CHIA: variants seen among roughly 807,000 people sequenced by gnomAD.
The protein encoded by CHIA is chitinase acidic.
In CHIA, 47 loss-of-function variants were observed where a neutral mutation model predicts 53.5. That is an observed-to-expected ratio of 0.88 (90% CI 0.70 to 1.12). The LOEUF (loss-of-function observed/expected upper bound fraction) is 1.12, where lower values mean the gene tolerates loss of function less well. Among genes scored for constraint, CHIA ranks in the 50% most tolerant of loss-of-function variants. The pLI is 0.00. For synonymous variants in CHIA, 268 were observed against 222.2 expected (o/e 1.21, Z -1.83); for missense variants, 652 against 592.2 (o/e 1.10, Z -1.05).
intron 1 of CHIA, among the ~76,000 whole-genome samples, chr1:111,301,768 G>A (rs1034346201): frequency 1.3e-5 from 2 of 149,968 alleles, no homozygotes; most frequent in African/African-American, 4.9e-5. Flanking sequence ...TGAAGCTGAA[G>A]CTGGAAACCA....
At chr1:111,308,770 C>G (rs1185340856) in intron 1 of CHIA, among the ~76,000 whole-genome samples, 1 of 152,140 alleles carries the variant, frequency 6.6e-6, no homozygotes, top group South Asian at 2.1e-4. Flanking sequence ...ACACCCCTCC[C>G]CATAGAAAGA....
intron 2 of CHIA, among the ~76,000 whole-genome samples, chr1:111,310,835 T>C (rs560038627): frequency 6.6e-6 from 1 of 152,212 alleles, no homozygotes; most frequent in Non-Finnish European, 1.5e-5. Flanking sequence ...TTAATTGGAA[T>C]AATGTTTATT....
At position 111,310,484 on chromosome 1, in the gene CHIA, T is replaced by G; in HGVS notation, c.17T>G (p.Leu6Arg). The change falls in exon 2 of 12, where the codon CTC becomes CGC. Residue 6 changes from leucine to arginine, a missense_variant. Transcript: ENST00000369740. Reference protein sequence around the residue: MTKLILLTGLVLILNL... With the variant: MTKLIRLTGLVLILNL... ...ACTGCAACCATGACAAAGCTTATTC[T>G]CCTCACAGGTGGGTTTGTAATCAGA... 6.2e-7 allele frequency: 1 copy of G among 1,614,218 alleles called. No individual in the cohort carries two copies. The highest frequency in any genetic ancestry group is 8.5e-7 in the Non-Finnish European group (1 of 1,180,020).
chr1:111,309,220 T>C (rs888197208), intron 1 of CHIA, among the ~76,000 whole-genome samples: 1 of 152,196 alleles, frequency 6.6e-6, no homozygotes, highest in Non-Finnish European at 1.5e-5. Context: ...CTATTAGACT[T>C]TCTCTGGTTC....
At position 111,314,364 on chromosome 1, in the gene CHIA, C is replaced by A. The variant is rs145147399; in HGVS notation, c.258-176C>A. Reference sequence around the variant, plus strand: ...TTCCCTAGGGAACCCTGAGTGCATTCATGACAGGAACAACACAAAGAATTT... The same window carrying A: ...TTCCCTAGGGAACCCTGAGTGCATTAATGACAGGAACAACACAAAGAATTT... On this transcript the variant is annotated intron_variant, in intron 4 of 11. Transcript: ENST00000369740. Among the ~76,000 whole-genome samples, 392 of 152,296 alleles carry A rather than the reference C, an allele frequency of 2.6e-3. 1 individual carries two copies. The highest frequency in any genetic ancestry group is 6.5e-3 in the African/African-American group (271 of 41,562).
At chr1:111,304,247 G>A (rs1308761293) in intron 1 of CHIA, among the ~76,000 whole-genome samples, 1 of 152,152 alleles carries the variant, frequency 6.6e-6, no homozygotes, top group Non-Finnish European at 1.5e-5. Flanking sequence ...GGAGTTCGCT[G>A]AGTTCTTGGA....
chr1:111,313,996 C>G (rs1648929888), intron 4 of CHIA, among the ~76,000 whole-genome samples: 2 of 152,104 alleles, frequency 1.3e-5, no homozygotes, highest in African/African-American at 4.8e-5. Flanking sequence ...ATGTGAGGTA[C>G]CTGAGTAAGT....
intron 7 of CHIA, 57 bp downstream of exon 7, chr1:111,317,862 T>C: frequency 6.2e-7 from 1 of 1,612,036 alleles, no homozygotes; most frequent in African/African-American, 1.3e-5. Context: ...CACACTAGAC[T>C]TGTCCTTGGT....
intron 1 of CHIA, among the ~76,000 whole-genome samples, chr1:111,306,708 T>C (rs942166500): frequency 1.3e-5 from 2 of 151,956 alleles, no homozygotes; most frequent in African/African-American, 4.8e-5. Flanking sequence ...AACTGAAAAA[T>C]AATTACAATC....
chr1:111,308,713 T>C (rs1018557439), intron 1 of CHIA, among the ~76,000 whole-genome samples: 3 of 152,194 alleles, frequency 2.0e-5, no homozygotes, highest in African/African-American at 7.2e-5. Flanking sequence ...TTGTCATTCA[T>C]AGATGGAAAA....
chr1:111,292,912 C>G (rs1045382172), intron 1 of CHIA, among the ~76,000 whole-genome samples: 3 of 152,110 alleles, frequency 2.0e-5, no homozygotes, highest in Non-Finnish European at 4.4e-5. Context: ...TGTAGCAAGT[C>G]AGAATTTCCT....
At chr1:111,306,075 T>C (rs1342776671) in intron 1 of CHIA, among the ~76,000 whole-genome samples, 1 of 152,196 alleles carries the variant, frequency 6.6e-6, no homozygotes, top group East Asian at 1.9e-4. Context: ...TAACAGACAC[T>C]TTCAAAGATG....
At chr1:111,315,535 A>G in intron 6 of CHIA, 100 bp downstream of exon 6, 1 of 1,232,218 alleles carries the variant, frequency 8.1e-7, no homozygotes, top group Non-Finnish European at 1.1e-6. Flanking sequence ...TTGAATTTAA[A>G]CTGATAGAAT....
chr1:111,314,945 A>G, intron 5 of CHIA: 1 of 384,466 alleles, frequency 2.6e-6, no homozygotes, highest in Non-Finnish European at 4.7e-6. Flanking sequence ...TGAGAAAATC[A>G]CACAAATAAA....
rs781781725 is a variant in CHIA, at chr1:111,320,260, A to C, written c.1225A>C (p.Ser409Arg). ...CATTGAGCCAATAACTGCTGCTCCC[A>C]GTGGCAGCGGGAACGGGAGCGGGAG... ...QPIEPITAAP[S>R]GSGNGSGSSS... Residue 409 changes from serine to arginine, a missense_variant, in exon 12 of 12, where the codon AGT becomes CGT. Coordinates refer to ENST00000369740, the MANE Select transcript of CHIA (RefSeq NM_201653.4). The C allele has an allele frequency of 6.2e-7, 1 of 1,613,858 alleles. No homozygotes were observed. Among genetic ancestry groups the C allele is most frequent in the Non-Finnish European group, 8.5e-7 (1 of 1,179,728 alleles).
At chr1:111,297,884 A>G (rs184866817) in intron 1 of CHIA, among the ~76,000 whole-genome samples, 40 of 143,014 alleles carry the variant, frequency 2.8e-4, no homozygotes, top group Non-Finnish European at 5.3e-4. Flanking sequence ...AGGAAGATCT[A>G]CCAAGCAAAT....
chr1:111,292,134 A>G (rs1407735099), intron 1 of CHIA, among the ~76,000 whole-genome samples: 1 of 152,168 alleles, frequency 6.6e-6, no homozygotes, highest in East Asian at 1.9e-4. Flanking sequence ...CAAGGACTTG[A>G]GGTCTTCAGA....
intron 9 of CHIA, 56 bp from the exon 10 acceptor site, chr1:111,319,064 G>A: frequency 6.4e-7 from 1 of 1,566,050 alleles, no homozygotes; most frequent in African/African-American, 1.4e-5. Flanking sequence ...TTTGAAACAT[G>A]TTTTTCTTTA....
chr1:111,300,552 T>C (rs6676797), intron 1 of CHIA, among the ~76,000 whole-genome samples: 148,487 of 152,300 alleles, frequency 0.97, 72,498 homozygotes, highest in East Asian at 1. Context: ...AACCTGGATC[T>C]CTTCCTTACA....
Sources: gnomAD v4.1 joint callset for allele counts (sites outside exome capture counted in the v4.1 genomes callset) on GRCh38, gnomAD v4.1.1 for gene constraint, MANE v1.5 for transcripts, NCBI Gene and HGNC (gene_info 2026-07-23, HGNC 2026-07-21) for gene names.